The following DPY19L2 variants were observed in gnomAD, a reference collection of about 807,000 sequenced individuals.
The protein encoded by DPY19L2 is probable C-mannosyltransferase DPY19L2.
DPY19L2 carries 34 observed loss-of-function variants against 97.9 expected under a neutral mutation model. That is an observed-to-expected ratio of 0.35 (90% confidence interval 0.26 to 0.46). The LOEUF (loss-of-function observed/expected upper bound fraction) is 0.46, where lower values mean the gene tolerates loss of function less well. Among genes scored for constraint, DPY19L2 ranks in the 20% least tolerant of loss-of-function variants. DPY19L2 has a pLI of 1.00. For missense variants in DPY19L2, 623 were observed against 911.4 expected (o/e 0.68, Z 4.07); for synonymous variants, 230 against 307.9 (o/e 0.75, Z 2.65).
At chr12:63,662,423 G>T (rs566216776) in intron 3 of DPY19L2, among the ~76,000 whole-genome samples, 3 of 151,936 alleles carry the variant, frequency 2.0e-5, no homozygotes, top group African/African-American at 7.2e-5. Flanking sequence ...TTCTGCTTAG[G>T]AGGATAACAA....
At chr12:63,633,147 AG>A (rs997207167) in intron 6 of DPY19L2, among the ~76,000 whole-genome samples, 1 of 152,202 alleles carries the variant, frequency 6.6e-6, no homozygotes, top group African/African-American at 2.4e-5. Context: ...TTCAGGACAT[AG>A]GCATGGGCAA....
intron 12 of DPY19L2, among the ~76,000 whole-genome samples, chr12:63,603,373 T>A (rs1193068733): frequency 2.6e-5 from 4 of 152,190 alleles, no homozygotes; most frequent in Non-Finnish European, 4.4e-5. Flanking sequence ...CAGAACTTTT[T>A]AAATTTTAAG....
At chr12:63,582,567 A>G (rs2137376339) in intron 17 of DPY19L2, 42 bp from the exon 18 acceptor site, 1 of 1,569,438 alleles carries the variant, frequency 6.4e-7, no homozygotes, top group Non-Finnish European at 8.6e-7. Flanking sequence ...TTTACTTTTC[A>G]TATTTTTAAA....
At chr12:63,650,908 A>C (rs1052283412) in intron 4 of DPY19L2, among the ~76,000 whole-genome samples, 5 of 152,208 alleles carry the variant, frequency 3.3e-5, no homozygotes, top group African/African-American at 1.2e-4. Context: ...AAATAAAATA[A>C]AACACATATG....
intron 1 of DPY19L2, chr12:63,666,569 A>C (rs1896365693): frequency 2.4e-6 from 1 of 416,268 alleles, no homozygotes; most frequent in South Asian, 1.8e-5. Flanking sequence ...ATTCCTCTGG[A>C]GAGAGAAGAG....
At chr12:63,623,418 G>A (rs1334446975) in intron 8 of DPY19L2, among the ~76,000 whole-genome samples, 1 of 152,052 alleles carries the variant, frequency 6.6e-6, no homozygotes, top group Non-Finnish European at 1.5e-5. Flanking sequence ...AAAACCACAG[G>A]TTAGAAAACA....
At position 63,638,692 on chromosome 12, in the gene DPY19L2, C is replaced by G. The variant is rs145878251; in HGVS notation, c.803+5711G>C. Among the ~76,000 whole-genome samples, 24 of 152,092 alleles carry G rather than the reference C, an allele frequency of 1.6e-4. No homozygotes were observed. The South Asian group carries it at 4.4e-3, about 28-fold the overall frequency. ...AGGAGAACCACAAACCACTGCTCAACGAAATCAAAGAGGACACAAACAAAT... is the reference window on the plus strand; with the variant it reads ...AGGAGAACCACAAACCACTGCTCAAGGAAATCAAAGAGGACACAAACAAAT... On this transcript the variant is annotated intron_variant, in intron 6 of 21. Transcript: ENST00000324472.
chr12:63,594,781 C>A (rs995587610), intron 15 of DPY19L2, among the ~76,000 whole-genome samples: 1 of 151,944 alleles, frequency 6.6e-6, no homozygotes, highest in Non-Finnish European at 1.5e-5. Context: ...ATAGCAGTTG[C>A]GGATCTAGCT....
rs1236478946 is a variant in DPY19L2, at chr12:63,602,672, A to G, written c.1279-2286T>C. ...TCCAGGCACAAAAGTCACATAATTT[A>G]TAAGGGACAGAAGAATTTGGCTAGC... On this transcript the variant is annotated intron_variant, in intron 12 of 21. Transcript: ENST00000324472. Among the ~76,000 whole-genome samples, 5 of 152,136 alleles carry G rather than the reference A, an allele frequency of 3.3e-5. No homozygotes were observed. The East Asian group carries it at 9.6e-4, about 29-fold the overall frequency.
At chr12:63,568,306 T>G (rs1173006204) in intron 21 of DPY19L2, among the ~76,000 whole-genome samples, 3 of 152,094 alleles carry the variant, frequency 2.0e-5, no homozygotes, top group Non-Finnish European at 4.4e-5. Flanking sequence ...TTTCATTTAT[T>G]ATACTTTTCA....
intron 19 of DPY19L2, among the ~76,000 whole-genome samples, chr12:63,571,950 T>C (rs560369904): frequency 6.6e-6 from 1 of 152,246 alleles, no homozygotes; most frequent in African/African-American, 2.4e-5. Context: ...AAAAACTACA[T>C]TGGAGAGGAG....
chr12:63,572,015 A>T lies in DPY19L2; in HGVS notation c.1901-1158T>A, dbSNP rs200998840. Among the ~76,000 whole-genome samples the T allele has an allele frequency of 1.5e-4, 22 of 147,820 alleles. No homozygotes were observed. The East Asian group carries it at 3.2e-3, about 22-fold the overall frequency. On this transcript the variant is annotated intron_variant, in intron 19 of 21. Coordinates refer to ENST00000324472, the MANE Select transcript of DPY19L2 (RefSeq NM_173812.5). The stretch of plus-strand genomic sequence containing the variant: ...CACTGTTCATCCTCCCCTCAGGAAC[A>T]CCAAATGTGATAATGATCTACACAA...
intron 15 of DPY19L2, 102 bp from the exon 16 acceptor site, chr12:63,594,235 T>G (rs1883701258): frequency 1.1e-6 from 1 of 914,556 alleles, no homozygotes; most frequent in East Asian, 3.0e-5. Flanking sequence ...AAAGAAGTAT[T>G]TTTTAATGTT....
chr12:63,593,951 T>C, intron 16 of DPY19L2, 136 bp downstream of exon 16: 3 of 545,612 alleles, frequency 5.5e-6, no homozygotes, highest in Non-Finnish European at 9.4e-6. Flanking sequence ...TAAGGAAACA[T>C]TTAAGTTTGG....
At chr12:63,592,480 C>T (rs1268159773) in intron 16 of DPY19L2, among the ~76,000 whole-genome samples, 8 of 147,562 alleles carry the variant, frequency 5.4e-5, no homozygotes, top group Non-Finnish European at 1.0e-4. Flanking sequence ...TCAGAAATAA[C>T]GCCGCATATC....
In DPY19L2 at chr12:63,624,029, A is replaced by G. The variant is rs1889128886; in HGVS notation, c.953+11T>C. The G allele has an allele frequency of 3.1e-6, 5 of 1,592,038 alleles. No homozygotes were observed. In the East Asian group the frequency reaches 1.1e-4, roughly 36 times the overall value. On this transcript the variant is annotated intron_variant, in intron 8 of 21. Transcript: ENST00000324472. ...TAATTTATTTGCCTTCGTTTTATAA[A>G]TCGAAGTTACCTGAGAATCAAAGTT... is the stretch of plus-strand genomic sequence containing the variant.
intron 16 of DPY19L2, among the ~76,000 whole-genome samples, chr12:63,589,550 A>G (rs1292297453): frequency 2.0e-5 from 3 of 152,000 alleles, no homozygotes; most frequent in Non-Finnish European, 4.4e-5. Flanking sequence ...GGGGAAAGGT[A>G]GACTCCTCTA....
chr12:63,585,148 C>T (rs951655724), intron 16 of DPY19L2, among the ~76,000 whole-genome samples: 6 of 151,978 alleles, frequency 3.9e-5, no homozygotes, highest in Non-Finnish European at 1.5e-5. Flanking sequence ...GGATACAATA[C>T]TTATCTTCAT....
In DPY19L2 at chr12:63,600,401, A is replaced by C. The variant is rs185918003; in HGVS notation, c.1279-15T>G. On this transcript the variant is annotated splice_polypyrimidine_tract_variant and intron_variant, in intron 12 of 21. Transcript: ENST00000324472. ...CCTTGAATTAGCTAGAAAATAAAATAGAAGTCCAGTATTTAAAACTACAAA... is the reference window on the plus strand; with the variant it reads ...CCTTGAATTAGCTAGAAAATAAAATCGAAGTCCAGTATTTAAAACTACAAA... 5,191 of 1,517,378 alleles carry C rather than the reference A, an allele frequency of 3.4e-3. 147 individuals are homozygous for C. In the African/African-American group the frequency reaches 0.06, roughly 18 times the overall value. 94.0% of individuals were successfully genotyped at this position (1,517,378 alleles called of 1,614,324 possible). A position where few individuals can be genotyped will look rare whatever the true frequency, so the allele number is the denominator to read the frequency against.
Sources: allele counts gnomAD v4.1 joint callset (sites outside exome capture counted in the v4.1 genomes callset), GRCh38; gene constraint gnomAD v4.1.1; transcripts MANE v1.5; gene names NCBI Gene and HGNC (gene_info 2026-07-23, HGNC 2026-07-21).